The following GNG7 variants were observed in gnomAD, a reference collection of about 807,000 sequenced individuals.
The protein encoded by GNG7 is guanine nucleotide-binding protein G(I)/G(S)/G(O) subunit gamma-7.
GNG7 carries 1 observed loss-of-function variant against 4.0 expected under a neutral mutation model. That is an observed-to-expected ratio of 0.25 (90% CI 0.09 to 1.18). GNG7 has a LOEUF of 1.18. Among genes scored for constraint, GNG7 ranks in the 50% most tolerant of loss-of-function variants. The pLI is 0.50. For synonymous variants in GNG7, 34 were observed against 36.9 expected, an observed-to-expected ratio of 0.92 and a Z score of 0.29; for missense variants, 86 against 91.9, an observed-to-expected ratio of 0.94 and a Z score of 0.26.
intron 2 of GNG7, among the ~76,000 whole-genome samples, chr19:2,597,321 T>A (rs1981050873): frequency 6.6e-6 from 1 of 152,078 alleles, no homozygotes; most frequent in Non-Finnish European, 1.5e-5. Flanking sequence ...TTGGGGCCAG[T>A]CACAGTGGCT....
intron 1 of GNG7, among the ~76,000 whole-genome samples, chr19:2,693,599 C>T (rs933263301): frequency 2.6e-5 from 4 of 152,074 alleles, no homozygotes; most frequent in South Asian, 2.1e-4. Context: ...CTGTGGACAT[C>T]GGAGCTCTGG....
At chr19:2,700,215 C>T (rs1913367205) in intron 1 of GNG7, among the ~76,000 whole-genome samples, 1 of 151,076 alleles carries the variant, frequency 6.6e-6, no homozygotes, top group South Asian at 2.1e-4. Context: ...GATCTTGGCT[C>T]ACTGCAACCT....
intron 2 of GNG7, among the ~76,000 whole-genome samples, chr19:2,613,865 G>T (rs937623381): frequency 1.3e-5 from 2 of 152,204 alleles, no homozygotes; most frequent in Middle Eastern, 3.2e-3. Flanking sequence ...TGAGGGGGAA[G>T]ATCAAGGGAC....
At chr19:2,520,350 G>A (rs954273242) in intron 4 of GNG7, among the ~76,000 whole-genome samples, 1 of 152,222 alleles carries the variant, frequency 6.6e-6, no homozygotes, top group African/African-American at 2.4e-5. Flanking sequence ...CTGTCACGAT[G>A]ACCGTCTCCA....
chr19:2,660,254 C>T (rs142021981), intron 1 of GNG7, among the ~76,000 whole-genome samples: 114 of 152,286 alleles, frequency 7.5e-4, no homozygotes, highest in African/African-American at 2.7e-3. Context: ...CATCTTCATC[C>T]CCGTTACACC....
Position 2,618,045 on chromosome 19 carries a change from T to C in GNG7, c.-78+28179A>G, listed in dbSNP as rs1385900064. Reference sequence around the variant, plus strand: ...TAAGACCCTCTGTTTGGTTTGCCAGTGTGTCTGGGCATGTGCTGTCTCTGT... The same window carrying C: ...TAAGACCCTCTGTTTGGTTTGCCAGCGTGTCTGGGCATGTGCTGTCTCTGT... On this transcript the variant is annotated intron_variant, in intron 2 of 4. Coordinates refer to ENST00000382159, the MANE Select transcript of GNG7 (RefSeq NM_052847.3). The surrounding 1 kb of genome is among the most constrained non-coding windows in gnomAD (Gnocchi z 5.1). 1.3e-5 allele frequency among the ~76,000 whole-genome samples: 2 copies of C among 152,184 alleles called. No homozygotes were observed. Among genetic ancestry groups the C allele is most frequent in the Non-Finnish European group, 2.9e-5 (2 of 68,030 alleles).
At chr19:2,559,351 CTTTTT>C (rs551861647) in intron 2 of GNG7, among the ~76,000 whole-genome samples, 1 of 130,250 alleles carries the variant, frequency 7.7e-6, no homozygotes. Context: ...TTCTGTGTGT[CTTTTT>C]TTTTTTTTTT....
intron 2 of GNG7, among the ~76,000 whole-genome samples, chr19:2,608,148 T>C (rs1367272858): frequency 6.6e-6 from 1 of 151,230 alleles, no homozygotes; most frequent in Non-Finnish European, 1.5e-5. Flanking sequence ...CTGCCACTCA[T>C]GACACAGAGC....
chr19:2,617,795 C>T lies in GNG7; in HGVS notation c.-78+28429G>A, dbSNP rs368438675. Reference sequence around the variant, plus strand: ...GTGCAGTGGTGCAGTCACAGCTCACCGCAACCTCAGCCTCCTGGGCTCAAG... The same window carrying T: ...GTGCAGTGGTGCAGTCACAGCTCACTGCAACCTCAGCCTCCTGGGCTCAAG... On this transcript the variant is annotated intron_variant, in intron 2 of 4. Transcript: ENST00000382159. The surrounding 1 kb of genome is among the most constrained non-coding windows in gnomAD (Gnocchi z 4.7). Among the ~76,000 whole-genome samples, 15 of 151,628 alleles carry T rather than the reference C, an allele frequency of 9.9e-5. No homozygotes were observed. In the East Asian group the frequency reaches 1.7e-3, roughly 18 times the overall value.
chr19:2,666,452 G>C (rs1294099404), intron 1 of GNG7, among the ~76,000 whole-genome samples: 1 of 152,168 alleles, frequency 6.6e-6, no homozygotes, highest in Admixed American at 6.5e-5. Flanking sequence ...GGATTACATA[G>C]GTGTGAGCCA....
intron 2 of GNG7, among the ~76,000 whole-genome samples, chr19:2,613,600 G>A (rs1043396317): frequency 6.6e-6 from 1 of 151,748 alleles, no homozygotes; most frequent in African/African-American, 2.4e-5. Context: ...GGAATGCAGA[G>A]TCTCTTGGGG....
At chr19:2,696,338 G>GA (rs1267257930) in intron 1 of GNG7, among the ~76,000 whole-genome samples, 5 of 123,076 alleles carry the variant, frequency 4.1e-5, no homozygotes, top group South Asian at 2.6e-4. Context: ...AAGAAAGAAA[G>GA]AAAGAAAGAA....
intron 2 of GNG7, among the ~76,000 whole-genome samples, chr19:2,575,726 C>G (rs1467561979): frequency 2.0e-5 from 2 of 99,522 alleles, no homozygotes; most frequent in Admixed American, 9.3e-5. Context: ...CACGCAGACA[C>G]GCAGGCACAC....
At position 2,512,983 on chromosome 19, in the gene GNG7, G is replaced by A. The variant is rs1051250846; in HGVS notation, c.*2039C>T. On this transcript the variant is annotated 3_prime_UTR_variant, in exon 5 of 5. Transcript: ENST00000382159. The surrounding 1 kb of genome is among the most constrained non-coding windows in gnomAD (Gnocchi z 4.7). ...TCCGGGAGCCTCTGGGGCTCTCCCGGGCCAACAGCAGGTTTGGCGGGTAGG... is the reference window on the plus strand; with the variant it reads ...TCCGGGAGCCTCTGGGGCTCTCCCGAGCCAACAGCAGGTTTGGCGGGTAGG... The A allele has an allele frequency of 2.7e-5, 27 of 985,324 alleles. No individual in the cohort carries two copies. The Admixed American group carries it at 3.7e-4, about 13-fold the overall frequency. The allele number at this position is 985,324 out of a possible 1,614,324, so 61.0% of individuals were successfully genotyped here.
rs866841751 is a variant in GNG7, at chr19:2,656,032, A to C, written c.-134-9752T>G. Among the ~76,000 whole-genome samples the C allele has an allele frequency of 6.2e-4, 72 of 116,884 alleles. 1 individual carries two copies. The highest frequency in any genetic ancestry group is 2.4e-3 in the South Asian group (9 of 3,700). The allele number at this position is 116,884 out of a possible 152,430, so 76.7% of individuals were successfully genotyped here. A position where few individuals can be genotyped will look rare whatever the true frequency, so the allele number is the denominator to read the frequency against. Reference sequence around the variant, plus strand: ...AGAGTGAGACTCCGATTCAAAACAAAAAAAAAAAAAAGAAAGAAAGAAAAA... The same window carrying C: ...AGAGTGAGACTCCGATTCAAAACAACAAAAAAAAAAAGAAAGAAAGAAAAA... On this transcript the variant is annotated intron_variant, in intron 1 of 4. Transcript: ENST00000382159.
intron 3 of GNG7, among the ~76,000 whole-genome samples, chr19:2,528,123 G>C (rs1424226640): frequency 6.6e-6 from 1 of 151,260 alleles, no homozygotes; most frequent in Non-Finnish European, 1.5e-5. Flanking sequence ...ACAAAAAAAT[G>C]AGCCAGGCAT....
chr19:2,641,656 C>CT (rs371011913), intron 2 of GNG7, among the ~76,000 whole-genome samples: 122 of 149,674 alleles, frequency 8.2e-4, no homozygotes, highest in African/African-American at 9.1e-4. Context: ...TGTTAGACTT[C>CT]TTTTTTTTTT....
At chr19:2,669,396 A>C (rs151293299) in intron 1 of GNG7, among the ~76,000 whole-genome samples, 4,798 of 152,234 alleles carry the variant, frequency 0.032, 258 homozygotes, top group African/African-American at 0.11. Context: ...AGACTGAGGC[A>C]AGAGAATCGC....
At chr19:2,601,725 G>A (rs1417075735) in intron 2 of GNG7, among the ~76,000 whole-genome samples, 1 of 151,264 alleles carries the variant, frequency 6.6e-6, no homozygotes, top group Non-Finnish European at 1.5e-5. Flanking sequence ...ACCAGCCTGA[G>A]CAACATGGCG....
Sources: gnomAD v4.1 joint callset for allele counts (sites outside exome capture counted in the v4.1 genomes callset) on GRCh38, gnomAD v4.1.1 for gene constraint, Gnocchi (gnomAD v3.1) non-coding constraint, MANE v1.5 for transcripts, NCBI Gene and HGNC (gene_info 2026-07-23, HGNC 2026-07-21) for gene names.